RNF141: variants seen among roughly 807,000 people sequenced by gnomAD.
RNF141 encodes ring finger protein 141, also known as C3HC4-like zinc finger protein.
Under a neutral mutation model 27.4 loss-of-function variants are expected in RNF141, and 18 were observed. That is an observed-to-expected ratio of 0.66 (90% CI 0.45 to 0.97). The LOEUF is 0.97. Among genes scored for constraint, RNF141 ranks in the 50% least tolerant of loss-of-function variants. The pLI is 0.00. For synonymous variants in RNF141, 97 were observed against 96.6 expected, an observed-to-expected ratio of 1.00 and a Z score of -0.02; for missense variants, 230 against 279.4, an observed-to-expected ratio of 0.82 and a Z score of 1.26.
At chr11:10,522,148 A>G (rs1849892922) in intron 4 of RNF141, among the ~76,000 whole-genome samples, 1 of 152,238 alleles carries the variant, frequency 6.6e-6, no homozygotes, top group African/African-American at 2.4e-5. Flanking sequence ...TAACAGGGAA[A>G]AGAGGGAAGT....
At chr11:10,534,353 T>C (rs942073812) in intron 1 of RNF141, 148 bp from the exon 2 acceptor site, 10 of 548,398 alleles carry the variant, frequency 1.8e-5, no homozygotes, top group Admixed American at 1.8e-4. Context: ...TAAATGACTC[T>C]GTTTTCAGAT....
At chr11:10,539,701 A>ATATATATATATATATATATAC (rs10524171) in intron 1 of RNF141, among the ~76,000 whole-genome samples, 1 of 31,476 alleles carries the variant, frequency 3.2e-5, no homozygotes, top group Non-Finnish European at 7.2e-5. Context: ...CATATATATT[A>ATATATATATATATATATATAC]GAGAGAGAAG....
intron 1 of RNF141, chr11:10,540,728 C>G (rs533471063): frequency 6.6e-6 from 1 of 152,334 alleles, no homozygotes. Context: ...CTGGCTACGC[C>G]GCCTCAGCCC....
At chr11:10,522,195 G>T (rs1287976731) in intron 4 of RNF141, among the ~76,000 whole-genome samples, 1 of 152,230 alleles carries the variant, frequency 6.6e-6, no homozygotes, top group South Asian at 2.1e-4. Flanking sequence ...TAAAAACCTA[G>T]ATGGATATGG....
intron 1 of RNF141, among the ~76,000 whole-genome samples, chr11:10,536,536 T>C (rs895968740): frequency 3.9e-5 from 6 of 152,238 alleles, no homozygotes; most frequent in African/African-American, 1.4e-4. Context: ...CTAAAAGTTA[T>C]ATCCTGAAGA....
chr11:10,514,051 C>T lies in RNF141; in HGVS notation c.*865G>A, dbSNP rs1014903549. 6.6e-6 allele frequency: 1 copy of T among 152,146 alleles called. No homozygotes were observed. The highest frequency in any genetic ancestry group is 1.9e-4 in the East Asian group (1 of 5,180). 9.4% of individuals were successfully genotyped at this position (152,146 alleles called of 1,614,324 possible). On this transcript the variant is annotated 3_prime_UTR_variant, in exon 6 of 6. Transcript: ENST00000265981. ...TTTTCAAGTTAAGGAAATAAAAGCA[C>T]CATAAACCAATATTAAATGACCTAT...
chr11:10,538,498 T>C (rs1329077509), intron 1 of RNF141, among the ~76,000 whole-genome samples: 1 of 152,248 alleles, frequency 6.6e-6, no homozygotes, highest in African/African-American at 2.4e-5. Context: ...AGCTTTTCAG[T>C]GTCCCTCTTT....
chr11:10,518,860 G>A, intron 5 of RNF141, 174 bp downstream of exon 5: 2 of 465,226 alleles, frequency 4.3e-6, no homozygotes, highest in Non-Finnish European at 3.8e-6. Context: ...ATAAATGTTA[G>A]GTGTAAAAAC....
At chr11:10,524,332 G>A (rs546398211) in intron 4 of RNF141, among the ~76,000 whole-genome samples, 118 of 152,168 alleles carry the variant, frequency 7.8e-4, no homozygotes, top group African/African-American at 2.7e-3. Flanking sequence ...GGAGAATGGC[G>A]TGAACCCGGG....
chr11:10,540,701 C>A (rs938098078), intron 1 of RNF141: 2 of 152,130 alleles, frequency 1.3e-5, no homozygotes, highest in Admixed American at 6.5e-5. Flanking sequence ...AGCCCGCGGG[C>A]CACCCTAGCG....
chr11:10,531,903 G>C (rs542289832), intron 2 of RNF141: 3 of 348,596 alleles, frequency 8.6e-6, no homozygotes, highest in South Asian at 6.3e-5. Context: ...GCCAAGCTTC[G>C]TCCTGTATAG....
intron 3 of RNF141, among the ~76,000 whole-genome samples, chr11:10,526,550 G>A (rs1028296723): frequency 1.3e-5 from 2 of 152,094 alleles, no homozygotes; most frequent in South Asian, 2.1e-4. Context: ...TTGGGAGGCC[G>A]AGGTGGGCAG....
chr11:10,515,211 A>C, intron 5 of RNF141, 145 bp from the exon 6 acceptor site: 1 of 880,524 alleles, frequency 1.1e-6, no homozygotes, highest in Admixed American at 3.2e-5. Context: ...TCCTATCTCA[A>C]TCTTCAATTC....
Position 10,534,218 on chromosome 11 carries a change from C to A in RNF141, c.-47-13G>T. On this transcript the variant is annotated splice_polypyrimidine_tract_variant and intron_variant, in intron 1 of 5. Transcript: ENST00000265981. ...CTTCACATAGTTTCTGTCAAATATACAGAAAAGTTACTTTTACATATTATA... is the reference window on the plus strand; with the variant it reads ...CTTCACATAGTTTCTGTCAAATATAAAGAAAAGTTACTTTTACATATTATA... 6.4e-7 allele frequency: 1 copy of A among 1,557,888 alleles called. No individual in the cohort carries two copies. The highest frequency in any genetic ancestry group is 1.2e-5 in the South Asian group (1 of 84,666).
rs761684253 is a variant in RNF141 at position 10,534,016 on chromosome 11, A to G, written c.143T>C (p.Val48Ala). 10 of 1,612,630 alleles carry G rather than the reference A, an allele frequency of 6.2e-6. No individual in the cohort carries two copies. Among genetic ancestry groups the G allele is most frequent in the Middle Eastern group, 3.3e-4 (2 of 6,074 alleles). The change falls in exon 2 of 6, where the codon GTA (valine) becomes GCA (alanine). Residue 48 changes from valine to alanine, a missense_variant and splice_region_variant. Transcript: ENST00000265981. ...FLGRVAELND[V>A]TAKVASGQEK... ...GAAAAACAAAAAGAGCAAGCCTTAC[A>G]CATCATTAAGCTCAGCTACTCTCCC...
chr11:10,538,050 A>G lies in RNF141; in HGVS notation c.-48+3072T>C, dbSNP rs1434131341. Among the ~76,000 whole-genome samples, 7 of 152,356 alleles carry G rather than the reference A, an allele frequency of 4.6e-5. No homozygotes were observed. The East Asian group carries it at 5.8e-4, about 13-fold the overall frequency. On this transcript the variant is annotated intron_variant, in intron 1 of 5. Transcript: ENST00000265981. ...CTACCCTACATTACCCACCAAAACC[A>G]TATTTCAAAAGAAGAGTTAGTTGCT... is the stretch of plus-strand genomic sequence containing the variant.
chr11:10,520,247 CTT>C (rs1422653324), intron 4 of RNF141, among the ~76,000 whole-genome samples: 3 of 137,502 alleles, frequency 2.2e-5, no homozygotes, highest in Non-Finnish European at 5.0e-5. Context: ...TTACTTTTAA[CTT>C]TTTGACTCTT....
intron 3 of RNF141, among the ~76,000 whole-genome samples, chr11:10,529,171 G>T (rs1345069639): frequency 1.3e-5 from 2 of 152,198 alleles, no homozygotes. Flanking sequence ...ATCCTGGTTA[G>T]TCTAATCTAA....
At chr11:10,516,421 T>C (rs978894859) in intron 5 of RNF141, 1 of 151,688 alleles carries the variant, frequency 6.6e-6, no homozygotes, top group African/African-American at 2.4e-5. Flanking sequence ...GCCTCGAGAG[T>C]TTCTAGCCCC....
Sources: gnomAD v4.1 joint callset for allele counts (sites outside exome capture counted in the v4.1 genomes callset) on GRCh38, gnomAD v4.1.1 for gene constraint, MANE v1.5 for transcripts, NCBI Gene and HGNC (gene_info 2026-07-23, HGNC 2026-07-21) for gene names.